The following CNTNAP5 variants were observed in gnomAD, a reference collection of about 807,000 sequenced individuals.
CNTNAP5 encodes the protein contactin-associated protein-like 5.
A neutral mutation model predicts 150.2 loss-of-function variants in CNTNAP5; 72 were observed. The observed-to-expected ratio is 0.48, with a 90% CI of 0.40 to 0.58. The LOEUF is 0.58. Among genes scored for constraint, CNTNAP5 ranks in the 20% least tolerant of loss-of-function variants. The pLI, the probability that CNTNAP5 is intolerant of heterozygous loss-of-function variation, is 0.00. For missense variants in CNTNAP5, 1,636 were observed against 1,626.2 expected, an observed-to-expected ratio of 1.01 and a Z score of -0.10; for synonymous variants, 672 against 619.8, an observed-to-expected ratio of 1.08 and a Z score of -1.25.
chr2:124,572,748 C>T lies in CNTNAP5; in HGVS notation c.1756+9425C>T, dbSNP rs186538308. Among the ~76,000 whole-genome samples the T allele has an allele frequency of 5.3e-5, 8 of 152,260 alleles. No homozygotes were observed. The East Asian group carries it at 5.8e-4, about 11-fold the overall frequency. ...TCTCAGCTCTAGCCCTGTTAGACTC[C>T]GGCGGCTCTTCAAACAACTAGACCT... On this transcript the variant is annotated intron_variant, in intron 11 of 23. Transcript: ENST00000682447.
intron 13 of CNTNAP5, among the ~76,000 whole-genome samples, chr2:124,650,568 C>T (rs1678300270): frequency 6.6e-6 from 1 of 152,188 alleles, no homozygotes; most frequent in African/African-American, 2.4e-5. Context: ...AGGACAGAAG[C>T]AGAGGAGGAT....
intron 21 of CNTNAP5, among the ~76,000 whole-genome samples, chr2:124,895,230 A>T (rs1393772011): frequency 6.6e-6 from 1 of 151,518 alleles, no homozygotes. Flanking sequence ...TTTATATAAG[A>T]AGACTCATGG....
chr2:124,905,116 G>GTTTTTTTTT (rs144751050), intron 22 of CNTNAP5, among the ~76,000 whole-genome samples: 1 of 108,496 alleles, frequency 9.2e-6, no homozygotes, highest in Non-Finnish European at 2.0e-5. Context: ...GTTTTTTTTT[G>GTTTTTTTTT]TTTTTTTTTG....
At chr2:124,365,324 GA>G (rs779922592) in intron 3 of CNTNAP5, among the ~76,000 whole-genome samples, 1,544 of 123,294 alleles carry the variant, frequency 0.013, 24 homozygotes, top group African/African-American at 0.029. Flanking sequence ...CCAAAAAAAG[GA>G]AAAAAAAAAA....
chr2:124,725,504 C>A (rs1346566055), intron 13 of CNTNAP5, among the ~76,000 whole-genome samples: 1 of 148,152 alleles, frequency 6.7e-6, no homozygotes, highest in East Asian at 2.0e-4. Flanking sequence ...CCTCTCCTCT[C>A]CTCTCCTTTC....
intron 14 of CNTNAP5, among the ~76,000 whole-genome samples, chr2:124,761,577 G>A (rs936859444): frequency 6.6e-6 from 1 of 152,026 alleles, no homozygotes; most frequent in African/African-American, 2.4e-5. Flanking sequence ...AGTTGGGACA[G>A]CTATTTTATA....
At chr2:124,274,555 C>T (rs373281468) in intron 3 of CNTNAP5, among the ~76,000 whole-genome samples, 2 of 152,074 alleles carry the variant, frequency 1.3e-5, no homozygotes, top group African/African-American at 4.8e-5. Context: ...TGCACCTCTC[C>T]CCAAACATTA....
chr2:124,147,728 A>G (rs1684289617), intron 1 of CNTNAP5, among the ~76,000 whole-genome samples: 2 of 152,218 alleles, frequency 1.3e-5, no homozygotes, highest in South Asian at 4.1e-4. Context: ...CCTGTCACCA[A>G]GAGGCAAGTG....
At chr2:124,190,047 G>A (rs1685424467) in intron 1 of CNTNAP5, among the ~76,000 whole-genome samples, 1 of 152,188 alleles carries the variant, frequency 6.6e-6, no homozygotes, top group South Asian at 2.1e-4. Flanking sequence ...TGAGAATTGA[G>A]TTTTCTCTCC....
At chr2:124,906,771 C>T (rs1678546223) in intron 22 of CNTNAP5, among the ~76,000 whole-genome samples, 1 of 152,118 alleles carries the variant, frequency 6.6e-6, no homozygotes, top group South Asian at 2.1e-4. Flanking sequence ...TCTATCTACT[C>T]TTCCAGCAAT....
chr2:124,191,083 T>A (rs888609878), intron 1 of CNTNAP5, among the ~76,000 whole-genome samples: 2 of 152,228 alleles, frequency 1.3e-5, no homozygotes, highest in African/African-American at 4.8e-5. Context: ...TTTTCATGGA[T>A]TGTGTTTTAT....
intron 8 of CNTNAP5, 27 bp from the exon 9 acceptor site, chr2:124,524,276 A>G (rs1694914748): frequency 3.1e-6 from 5 of 1,613,076 alleles, no homozygotes; most frequent in South Asian, 1.1e-5. Flanking sequence ...CATCATCTCT[A>G]TGCTTACTCT....
At chr2:124,125,090 A>G (rs182646406) in intron 1 of CNTNAP5, among the ~76,000 whole-genome samples, 1 of 152,358 alleles carries the variant, frequency 6.6e-6, no homozygotes, top group Admixed American at 6.5e-5. Context: ...AATGGGCTAA[A>G]TGCACCAATT....
chr2:124,771,277 A>G (rs1681185996), intron 16 of CNTNAP5, among the ~76,000 whole-genome samples: 2 of 152,170 alleles, frequency 1.3e-5, no homozygotes, highest in Admixed American at 6.5e-5. Flanking sequence ...GAAAAAAAGG[A>G]ATGCCTAGCA....
intron 1 of CNTNAP5, among the ~76,000 whole-genome samples, chr2:124,206,829 A>G (rs17011083): frequency 0.023 from 3,509 of 152,320 alleles, 136 homozygotes; most frequent in African/African-American, 0.078. Flanking sequence ...AGCCTGATAC[A>G]TGCAGGAATT....
intron 1 of CNTNAP5, among the ~76,000 whole-genome samples, chr2:124,182,890 C>A (rs1034734274): frequency 6.6e-6 from 1 of 152,160 alleles, no homozygotes; most frequent in Non-Finnish European, 1.5e-5. Flanking sequence ...AGTTATTTCA[C>A]TATTACATTT....
intron 3 of CNTNAP5, among the ~76,000 whole-genome samples, chr2:124,304,625 G>A (rs1459997047): frequency 3.3e-5 from 5 of 152,154 alleles, no homozygotes; most frequent in Non-Finnish European, 5.9e-5. Context: ...TGGCTACAAT[G>A]TTGAGAGTCA....
At chr2:124,242,568 G>C in intron 3 of CNTNAP5, 175 bp downstream of exon 3, 1 of 557,020 alleles carries the variant, frequency 1.8e-6, no homozygotes, top group Non-Finnish European at 3.0e-6. Context: ...CTACTTCCTA[G>C]GAAAATTAGG....
In CNTNAP5 at chr2:124,856,183, A is replaced by C. The variant is rs967270607; in HGVS notation, c.3218-9123A>C. On this transcript the variant is annotated intron_variant, in intron 19 of 23. Transcript: ENST00000682447. ...CAATTTCTTTATCTACTAGTTGATA[A>C]AGAATATATACCTATACACATGCAC... Among the ~76,000 whole-genome samples, 5 of 151,950 alleles carry C rather than the reference A, an allele frequency of 3.3e-5. No individual in the cohort carries two copies. In the East Asian group the frequency reaches 9.7e-4, roughly 29 times the overall value.
Sources: gnomAD v4.1 joint callset for allele counts (sites outside exome capture counted in the v4.1 genomes callset) on GRCh38, gnomAD v4.1.1 for gene constraint, MANE v1.5 for transcripts, NCBI Gene and HGNC (gene_info 2026-07-23, HGNC 2026-07-21) for gene names.